FAT1: variants seen among roughly 807,000 people sequenced by gnomAD.
The protein encoded by FAT1 is protocadherin Fat 1.
Under a neutral mutation model 329.8 loss-of-function variants are expected in FAT1, and 171 were observed. That is an observed-to-expected ratio of 0.52 (90% confidence interval 0.46 to 0.59). The LOEUF (loss-of-function observed/expected upper bound fraction) is 0.59, where lower values mean the gene tolerates loss of function less well. Ranked by LOEUF, FAT1 falls within the 20% of genes least tolerant of loss-of-function variation. FAT1 has a pLI of 0.00. For synonymous variants in FAT1, 2,233 were observed against 2,228.6 expected (o/e 1.00, Z -0.06); for missense variants, 5,672 against 5,774.4 (o/e 0.98, Z 0.57).
chr4:186,603,285 G>C lies in FAT1; in HGVS notation c.11241C>G (p.Phe3747Leu), dbSNP rs745850588. Residue 3747 changes from phenylalanine to leucine, a missense_variant, in exon 19 of 27, where the codon TTC (phenylalanine) becomes TTG (leucine). Coordinates refer to ENST00000441802, the MANE Select transcript of FAT1 (RefSeq NM_005245.4). ...CATCCACAGACACCTTTTCATCGCA[G>C]AACTTCCAGGGGCAGTCCAGTCCCG... is the stretch of plus-strand genomic sequence containing the variant. ...LCAGLDCPWK[F>L]CDEKVSVDES... 6.2e-7 allele frequency: 1 copy of C among 1,613,930 alleles called. No individual in the cohort carries two copies. The highest frequency in any genetic ancestry group is 1.1e-5 in the South Asian group (1 of 91,068).
At position 186,618,440 on chromosome 4, in the gene FAT1, C is replaced by A. The variant is rs377032665; in HGVS notation, c.8146G>T (p.Val2716Leu). 4 of 1,613,912 alleles carry A rather than the reference C, an allele frequency of 2.5e-6. No individual in the cohort carries two copies. In the African/African-American group the frequency reaches 5.3e-5, roughly 22 times the overall value. Residue 2716 changes from valine to leucine, a missense_variant, in exon 10 of 27, where the codon GTG (valine) becomes TTG (leucine). This residue lies in a region of FAT1 where 3,966 missense variants were observed against 3,915.2 expected (regional missense o/e 1.01). Coordinates refer to ENST00000441802, the MANE Select transcript of FAT1 (RefSeq NM_005245.4). ...AGATCTATCTCTGTTCCAATAGGCA[C>A]GTCCTCTGACACTGTAAAGGTATAG... ...PFYTFTVSED[V>L]PIGTEIDLIR...
intron 1 of FAT1, among the ~76,000 whole-genome samples, chr4:186,711,864 G>A (rs111774077): frequency 2.0e-5 from 3 of 152,176 alleles, no homozygotes; most frequent in Non-Finnish European, 2.9e-5. Context: ...AGATTGCAGT[G>A]AGCCGAGATC....
Position 186,709,231 on chromosome 4 carries a change from T to C in FAT1, c.597A>G (p.Pro199=), listed in dbSNP as rs2126702553. The change falls in exon 2 of 27, where the codon CCA becomes CCG. Residue 199 remains proline, a synonymous_variant. Coordinates refer to ENST00000441802, the MANE Select transcript of FAT1 (RefSeq NM_005245.4). Reference sequence around the variant, plus strand: ...CAGTTAACACTATCACACCACTGGTTGGGTGAATAGCAAACATATCTGTTC... The same window carrying C: ...CAGTTAACACTATCACACCACTGGTCGGGTGAATAGCAAACATATCTGTTC... ...KDRTDMFAIH[P]TSGVIVLTGR... The C allele has an allele frequency of 6.2e-7, 1 of 1,614,020 alleles. No homozygotes were observed. Among genetic ancestry groups the C allele is most frequent in the Non-Finnish European group, 8.5e-7 (1 of 1,179,880 alleles).
At chr4:186,714,955 G>A (rs1305096031) in intron 1 of FAT1, among the ~76,000 whole-genome samples, 2 of 152,102 alleles carry the variant, frequency 1.3e-5, no homozygotes, top group African/African-American at 2.4e-5. Flanking sequence ...GTGTGCGCCT[G>A]TAGTCCCAGC....
chr4:186,709,452 T>C lies in FAT1; in HGVS notation c.376A>G (p.Asn126Asp), dbSNP rs137948625. 1 of 1,613,994 alleles carries C rather than the reference T, an allele frequency of 6.2e-7. No homozygotes were observed. The highest frequency in any genetic ancestry group is 1.3e-5 in the African/African-American group (1 of 75,050). The part of the protein sequence containing the change: ...YTLIVKALEK[N>D]TNVEARTKVR... ...TTTGTTCGCGCCTCCACATTAGTATTTTTTTCAAGTGCTTTCACTATCAAT... is the reference window on the plus strand; with the variant it reads ...TTTGTTCGCGCCTCCACATTAGTATCTTTTTCAAGTGCTTTCACTATCAAT... Residue 126 changes from asparagine (N) to aspartate (D), a missense_variant, in exon 2 of 27, where the codon AAT becomes GAT. Asn to Asp is a conservative substitution (Grantham distance 23). Transcript: ENST00000441802.
At chr4:186,589,557 C>T (rs1423600834) in intron 26 of FAT1, among the ~76,000 whole-genome samples, 1 of 152,150 alleles carries the variant, frequency 6.6e-6, no homozygotes, top group East Asian at 1.9e-4. Flanking sequence ...ATCCTTCTGG[C>T]TTTTCTTCTG....
rs904722749 is a variant in FAT1, at chr4:186,588,459, C to T, written c.*133G>A. The T allele has an allele frequency of 9.3e-5, 100 of 1,072,808 alleles. No individual in the cohort carries two copies. Among genetic ancestry groups the T allele is most frequent in the Admixed American group, 1.4e-4 (5 of 34,514 alleles). 66.5% of individuals were successfully genotyped at this position (1,072,808 alleles called of 1,614,324 possible). ...TGGAAATGGCTAGCACGTCCAGAGG[C>T]GCAGGATCCAGCGCAGCCATGCCCA... On this transcript the variant is annotated 3_prime_UTR_variant, in exon 27 of 27. Coordinates refer to ENST00000441802, the MANE Select transcript of FAT1 (RefSeq NM_005245.4).
At chr4:186,724,578 C>T (rs994550615), upstream of FAT1, among the ~76,000 whole-genome samples, 3 of 152,188 alleles carry the variant, frequency 2.0e-5, no homozygotes, top group African/African-American at 7.2e-5. This position sits in a 1 kb window ranked among gnomAD's most constrained non-coding sequence, Gnocchi z 5.3. Context: ...AAAGCGTGAC[C>T]CCAGGCCGAC....
intron 26 of FAT1, chr4:186,592,747 TG>T: frequency 2.2e-6 from 1 of 456,708 alleles, no homozygotes. Flanking sequence ...ACGGTCACTA[TG>T]GAAGCTTGCA....
intron 2 of FAT1, among the ~76,000 whole-genome samples, chr4:186,683,548 C>T (rs1187309088): frequency 4.6e-5 from 7 of 152,112 alleles, no homozygotes; most frequent in Admixed American, 1.3e-4. Context: ...TGAAATTTTC[C>T]GAAAGTTTTG....
intron 11 of FAT1, among the ~76,000 whole-genome samples, chr4:186,615,836 T>G (rs956457425): frequency 6.6e-6 from 1 of 152,162 alleles, no homozygotes; most frequent in Non-Finnish European, 1.5e-5. Context: ...CAACGCCAAG[T>G]TTCCACACCT....
chr4:186,708,383 A>G lies in FAT1; in HGVS notation c.1445T>C (p.Val482Ala), dbSNP rs745736513. ...AGGGTCTACGGCACTCAGGCTCATG[A>G]CAGTAGTACCAATGGGCACGTTCTC... Reference protein sequence around the residue: ...FDENVPIGTTVMSLSAVDPDE... With the variant: ...FDENVPIGTTAMSLSAVDPDE... The change falls in exon 2 of 27, where the codon GTC becomes GCC. Residue 482 changes from valine (V) to alanine (A), a missense_variant. This residue lies in a region of FAT1 where 3,966 missense variants were observed against 3,915.2 expected (regional missense o/e 1.01). Coordinates refer to ENST00000441802, the MANE Select transcript of FAT1 (RefSeq NM_005245.4). 2.5e-6 allele frequency: 4 copies of G among 1,613,918 alleles called. No homozygotes were observed. Among genetic ancestry groups the G allele is most frequent in the Non-Finnish European group, 3.4e-6 (4 of 1,179,866 alleles).
At chr4:186,695,479 C>G (rs907124835) in intron 2 of FAT1, among the ~76,000 whole-genome samples, 1 of 152,196 alleles carries the variant, frequency 6.6e-6, no homozygotes, top group Non-Finnish European at 1.5e-5. Flanking sequence ...AGTGGAAGAG[C>G]AGCCTTAACT....
rs1014432203 is a variant in FAT1, at chr4:186,590,799, C to A, written c.13139-1579G>T. ...ATAGGTGATAATCCAAATACATCTA[C>A]AGCTACATAATGCACACACTTTATA... On this transcript the variant is annotated intron_variant, in intron 26 of 26. Coordinates refer to ENST00000441802, the MANE Select transcript of FAT1 (RefSeq NM_005245.4). The A allele has an allele frequency of 2.7e-4, 105 of 393,316 alleles. 1 individual carries two copies. The highest frequency in any genetic ancestry group is 8.0e-5 in the Non-Finnish European group (16 of 199,202). The allele number at this position is 393,316 out of a possible 1,614,324, so 24.4% of individuals were successfully genotyped here. A position where few individuals can be genotyped will look rare whatever the true frequency, so the allele number is the denominator to read the frequency against.
chr4:186,672,761 T>C (rs1742790580), intron 2 of FAT1, among the ~76,000 whole-genome samples: 1 of 152,156 alleles, frequency 6.6e-6, no homozygotes, highest in Non-Finnish European at 1.5e-5. Context: ...ACCCTAAAAG[T>C]CAGGTTCCAG....
chr4:186,600,797 G>A (rs1405822500), intron 21 of FAT1, among the ~76,000 whole-genome samples: 2 of 152,156 alleles, frequency 1.3e-5, no homozygotes, highest in African/African-American at 4.8e-5. Flanking sequence ...TGCAACCTCT[G>A]CCTCCCCTGT....
intron 6 of FAT1, among the ~76,000 whole-genome samples, chr4:186,635,808 C>T (rs1740791861): frequency 6.6e-6 from 1 of 152,160 alleles, no homozygotes. Context: ...ATATCAATAA[C>T]TTGGTAGAAT....
intron 2 of FAT1, among the ~76,000 whole-genome samples, chr4:186,688,095 G>A (rs1169488057): frequency 7.3e-6 from 1 of 137,608 alleles, no homozygotes; most frequent in African/African-American, 2.8e-5. Context: ...CTGTCCAAAT[G>A]CTATGGAGAC....
intron 3 of FAT1, among the ~76,000 whole-genome samples, chr4:186,655,297 G>A (rs1408902057): frequency 6.6e-6 from 1 of 152,130 alleles, no homozygotes; most frequent in East Asian, 1.9e-4. Context: ...TTCTCAAAGA[G>A]GAAGATGAAT....
Sources: gnomAD v4.1 joint callset for allele counts (sites outside exome capture counted in the v4.1 genomes callset) on GRCh38, gnomAD v4.1.1 for gene constraint, gnomAD v4.1.1 regional missense constraint, Gnocchi (gnomAD v3.1) non-coding constraint, MANE v1.5 for transcripts, NCBI Gene and HGNC (gene_info 2026-07-23, HGNC 2026-07-21) for gene names.